Variants in PXK observed in about 807,000 individuals in gnomAD.
PXK encodes PX domain-containing protein kinase-like protein.
Under a neutral mutation model 84.7 loss-of-function variants are expected in PXK, and 35 were observed. That is an observed-to-expected ratio of 0.41 (90% confidence interval 0.32 to 0.55). The LOEUF (loss-of-function observed/expected upper bound fraction) is 0.55, where lower values mean the gene tolerates loss of function less well. Among genes scored for constraint, PXK ranks in the 20% least tolerant of loss-of-function variants. The probability of loss-of-function intolerance (pLI) is 0.21; values close to 1 mark genes in which losing one functional copy is unlikely to be tolerated. For synonymous variants in PXK, 253 were observed against 260.8 expected, an observed-to-expected ratio of 0.97 and a Z score of 0.29; for missense variants, 634 against 699.7, an observed-to-expected ratio of 0.91 and a Z score of 1.06.
chr3:58,408,592 G>A (rs552929038), intron 13 of PXK, among the ~76,000 whole-genome samples: 4 of 150,818 alleles, frequency 2.7e-5, no homozygotes, highest in African/African-American at 4.9e-5. Context: ...GCGTGATCTC[G>A]GCTCTCTGCA....
chr3:58,373,581 A>G (rs988876485), intron 3 of PXK, among the ~76,000 whole-genome samples: 2 of 152,182 alleles, frequency 1.3e-5, no homozygotes, highest in African/African-American at 2.4e-5. Flanking sequence ...AGAACTCCCT[A>G]GGATACTGAC....
intron 17 of PXK, among the ~76,000 whole-genome samples, chr3:58,415,348 C>T (rs1560132605): frequency 6.6e-6 from 1 of 152,210 alleles, no homozygotes; most frequent in Non-Finnish European, 1.5e-5. Context: ...AACTTTTGAC[C>T]GGCCAGCTTC....
chr3:58,389,717 C>T (rs1378397717), intron 4 of PXK, among the ~76,000 whole-genome samples: 1 of 150,818 alleles, frequency 6.6e-6, no homozygotes, highest in Non-Finnish European at 1.5e-5. Flanking sequence ...AGCCAGGCGT[C>T]GGGCAGGTGC....
chr3:58,387,274 G>A (rs1280347947), intron 4 of PXK, among the ~76,000 whole-genome samples: 1 of 152,194 alleles, frequency 6.6e-6, no homozygotes, highest in Non-Finnish European at 1.5e-5. Context: ...CAGAACTAGA[G>A]GGCAGATGCC....
At chr3:58,350,847 G>A (rs913188667) in intron 1 of PXK, among the ~76,000 whole-genome samples, 4 of 152,170 alleles carry the variant, frequency 2.6e-5, no homozygotes, top group Non-Finnish European at 4.4e-5. Context: ...TGGAGCTAGT[G>A]TCTCAGGATG....
At position 58,370,890 on chromosome 3, in the gene PXK, CAG is replaced by C. The variant is rs557593192; in HGVS notation, c.201+1413_201+1414del. Among the ~76,000 whole-genome samples the C allele has an allele frequency of 4.5e-4, 69 of 152,208 alleles. No homozygotes were observed. Among genetic ancestry groups the C allele is most frequent in the African/African-American group, 1.6e-3 (68 of 41,522 alleles). On this transcript the variant is annotated intron_variant, in intron 3 of 17. Transcript: ENST00000356151. This position sits in a 1 kb window ranked among gnomAD's most constrained non-coding sequence, Gnocchi z 4.2. ...GTGGGCGCCTGTAATCCCAGCTACT[CAG>C]GGGGCTGAGGCAGGAGAACCGCCTG... is the stretch of plus-strand genomic sequence containing the variant.
chr3:58,386,829 G>C (rs1002311912), intron 4 of PXK, among the ~76,000 whole-genome samples: 1 of 152,202 alleles, frequency 6.6e-6, no homozygotes, highest in Admixed American at 6.5e-5. Context: ...GGCTGGGGAG[G>C]GGGAATAGAG....
intron 3 of PXK, among the ~76,000 whole-genome samples, chr3:58,381,669 A>G (rs1181778885): frequency 2.6e-5 from 4 of 152,148 alleles, no homozygotes; most frequent in Non-Finnish European, 5.9e-5. Context: ...ACCAAATCGA[A>G]TTATAATATA....
At chr3:58,420,411 GT>G in intron 17 of PXK, 2 of 1,249,442 alleles carry the variant, frequency 1.6e-6, no homozygotes, top group Non-Finnish European at 2.2e-6. Flanking sequence ...TAGTTTCGAA[GT>G]GAGAATAATC....
intron 1 of PXK, among the ~76,000 whole-genome samples, chr3:58,365,555 C>G (rs2098257783): frequency 6.6e-6 from 1 of 152,170 alleles, no homozygotes; most frequent in Non-Finnish European, 1.5e-5. Context: ...TTTAGTTGTT[C>G]TGTCAATTCC....
chr3:58,407,483 T>C lies in PXK; in HGVS notation c.1231-1441T>C, dbSNP rs1390128404. Among the ~76,000 whole-genome samples the C allele has an allele frequency of 6.7e-6, 1 of 148,786 alleles. No homozygotes were observed. Among genetic ancestry groups the C allele is most frequent in the Non-Finnish European group, 1.5e-5 (1 of 66,546 alleles). ...TCAGACCTATGATTTGCAAATATTG[T>C]GTCCCATTTCTTGAGTTGTCTTTTA... On this transcript the variant is annotated intron_variant, in intron 13 of 17. Coordinates refer to ENST00000356151, the MANE Select transcript of PXK (RefSeq NM_017771.5). The surrounding 1 kb of genome is among the most constrained non-coding windows in gnomAD (Gnocchi z 4.3).
rs956847531 is a variant in PXK at position 58,409,248 on chromosome 3, G to A, written c.1308+247G>A. Reference sequence around the variant, plus strand: ...TCTGGGTTTCTGATCAGAGCATGCCGGCCGGTGATAGTTGCGGGCATGCAT... The same window carrying A: ...TCTGGGTTTCTGATCAGAGCATGCCAGCCGGTGATAGTTGCGGGCATGCAT... On this transcript the variant is annotated intron_variant, in intron 14 of 17. Coordinates refer to ENST00000356151, the MANE Select transcript of PXK (RefSeq NM_017771.5). This position sits in a 1 kb window ranked among gnomAD's most constrained non-coding sequence, Gnocchi z 4.2. 2.6e-5 allele frequency among the ~76,000 whole-genome samples: 4 copies of A among 152,102 alleles called. No homozygotes were observed. Among genetic ancestry groups the A allele is most frequent in the Admixed American group, 6.6e-5 (1 of 15,258 alleles).
At chr3:58,417,872 C>G (rs2061228620) in intron 17 of PXK, among the ~76,000 whole-genome samples, 1 of 152,184 alleles carries the variant, frequency 6.6e-6, no homozygotes, top group Non-Finnish European at 1.5e-5. Flanking sequence ...GACAGGGTCT[C>G]TCTCTGTCAC....
chr3:58,344,977 TTCCAACA>T (rs779839486), intron 1 of PXK, among the ~76,000 whole-genome samples: 140 of 152,032 alleles, frequency 9.2e-4, no homozygotes, highest in Non-Finnish European at 1.6e-3. Context: ...CCTAAAGGGG[TTCCAACA>T]TCAGTACATA....
chr3:58,378,679 C>T (rs2108714998), intron 3 of PXK, among the ~76,000 whole-genome samples: 1 of 150,864 alleles, frequency 6.6e-6, no homozygotes, highest in Admixed American at 6.6e-5. Context: ...GGATTACAGG[C>T]ATGCATCACC....
At chr3:58,388,800 A>G (rs1392115969) in intron 4 of PXK, among the ~76,000 whole-genome samples, 2 of 152,148 alleles carry the variant, frequency 1.3e-5, no homozygotes, top group Admixed American at 6.5e-5. Context: ...AATATATCCA[A>G]ATGATATTGT....
chr3:58,394,762 T>C (rs188271917), intron 7 of PXK, among the ~76,000 whole-genome samples: 14 of 152,316 alleles, frequency 9.2e-5, no homozygotes, highest in African/African-American at 3.1e-4. Context: ...CCACATCCAT[T>C]ATCTGTCTCC....
chr3:58,423,615 G>A (rs1374987805), intron 17 of PXK: 11 of 1,483,676 alleles, frequency 7.4e-6, no homozygotes, highest in Non-Finnish European at 9.9e-6. Flanking sequence ...CTTAAGTAGG[G>A]TAGCTTTACC....
At position 58,364,119 on chromosome 3, in the gene PXK, A is replaced by C. The variant is rs553425921; in HGVS notation, c.103-1755A>C. Among the ~76,000 whole-genome samples, 2 of 152,270 alleles carry C rather than the reference A, an allele frequency of 1.3e-5. No individual in the cohort carries two copies. Among genetic ancestry groups the C allele is most frequent in the African/African-American group, 4.8e-5 (2 of 41,540 alleles). Reference sequence around the variant, plus strand: ...GTCATGGTATATAATTCTTTTTATAAATTGCTGAATTCAATTTACTAATAT... The same window carrying C: ...GTCATGGTATATAATTCTTTTTATACATTGCTGAATTCAATTTACTAATAT... On this transcript the variant is annotated intron_variant, in intron 1 of 17. Transcript: ENST00000356151. This position sits in a 1 kb window ranked among gnomAD's most constrained non-coding sequence, Gnocchi z 4.3.
Sources: allele counts gnomAD v4.1 joint callset (sites outside exome capture counted in the v4.1 genomes callset), GRCh38; gene constraint gnomAD v4.1.1; non-coding constraint Gnocchi (gnomAD v3.1); transcripts MANE v1.5; gene names NCBI Gene and HGNC (gene_info 2026-07-23, HGNC 2026-07-21).